Variants in LRRC7 observed in about 807,000 individuals in gnomAD.
LRRC7 encodes the protein leucine-rich repeat-containing protein 7.
Under a neutral mutation model 175.7 loss-of-function variants are expected in LRRC7, and 23 were observed. The observed-to-expected ratio is 0.13, with a 90% CI of 0.09 to 0.19. The LOEUF (loss-of-function observed/expected upper bound fraction) is 0.19. Among genes scored for constraint, LRRC7 ranks in the 10% least tolerant of loss-of-function variants. The pLI is 1.00. For missense variants in LRRC7, 1,354 were observed against 1,904.7 expected (o/e 0.71, Z 5.38); for synonymous variants, 685 against 680.9 (o/e 1.01, Z -0.09).
chr1:70,036,647 T>C (rs1455737668), intron 20 of LRRC7, 23 bp downstream of exon 20: 4 of 1,574,600 alleles, frequency 2.5e-6, no homozygotes, highest in Non-Finnish European at 3.4e-6. Flanking sequence ...TTCCCTCCTT[T>C]TGTTCCCAAA....
At chr1:69,585,503 A>C (rs900402944) in intron 1 of LRRC7, among the ~76,000 whole-genome samples, 1 of 152,210 alleles carries the variant, frequency 6.6e-6, no homozygotes, top group Admixed American at 6.5e-5. Context: ...TGCATAGATC[A>C]GGCTAGATGA....
At chr1:69,846,407 A>G (rs572006453) in intron 7 of LRRC7, among the ~76,000 whole-genome samples, 4 of 152,236 alleles carry the variant, frequency 2.6e-5, no homozygotes, top group Admixed American at 2.0e-4. Context: ...GACTACTTCA[A>G]ACAATAGCTA....
intron 7 of LRRC7, among the ~76,000 whole-genome samples, chr1:69,850,951 A>T (rs1682912834): frequency 6.6e-6 from 1 of 152,110 alleles, no homozygotes; most frequent in Non-Finnish European, 1.5e-5. Context: ...TAGAGAAGAG[A>T]TGAGGAGCCA....
At chr1:70,108,331 G>C (rs1237190922) in intron 26 of LRRC7, among the ~76,000 whole-genome samples, 3 of 152,080 alleles carry the variant, frequency 2.0e-5, no homozygotes, top group Non-Finnish European at 4.4e-5. Context: ...AAAATGCATT[G>C]TGTGATGGAA....
chr1:69,838,403 C>A, intron 7 of LRRC7, 120 bp downstream of exon 7: 1 of 740,726 alleles, frequency 1.4e-6, no homozygotes, highest in Non-Finnish European at 2.3e-6. Context: ...CACATTTTTC[C>A]TAAAGGCCAA....
intron 8 of LRRC7, among the ~76,000 whole-genome samples, chr1:69,934,499 G>GA (rs1557905887): frequency 2.0e-5 from 2 of 99,114 alleles, no homozygotes; most frequent in Non-Finnish European, 4.3e-5. Flanking sequence ...TTTGGCGGGG[G>GA]GGGGGCGGGG....
chr1:70,117,046 T>A (rs1665907686), intron 26 of LRRC7, among the ~76,000 whole-genome samples: 1 of 152,240 alleles, frequency 6.6e-6, no homozygotes, highest in Non-Finnish European at 1.5e-5. Context: ...AATGTACTAA[T>A]ATTTCTCTAA....
At chr1:70,005,216 G>T (rs1655896522) in intron 11 of LRRC7, among the ~76,000 whole-genome samples, 1 of 151,896 alleles carries the variant, frequency 6.6e-6, no homozygotes, top group Non-Finnish European at 1.5e-5. Context: ...CAGCTATTAA[G>T]TATCTACACT....
At position 70,003,689 on chromosome 1, in the gene LRRC7, C is replaced by T. The variant is rs535044903; in HGVS notation, c.1005-8108C>T. Among the ~76,000 whole-genome samples, 9 of 152,266 alleles carry T rather than the reference C, an allele frequency of 5.9e-5. No homozygotes were observed. The East Asian group carries it at 1.7e-3, about 29-fold the overall frequency. On this transcript the variant is annotated intron_variant, in intron 11 of 26. Transcript: ENST00000651989. ...CATCCTCCTTCACTGCCTACTTCCT[C>T]CTCCACTTCCTTCCCCAGCATTTCA...
rs1052760150 is a variant in LRRC7 at position 70,142,703 on chromosome 1, T to C, written c.*20816T>C. ...CTTATTGAAAGTAATAATACAGTTT[T>C]ATTTTTTCCACTTTATAACTGCCCA... is the stretch of plus-strand genomic sequence containing the variant. On this transcript the variant is annotated 3_prime_UTR_variant, in exon 27 of 27. Transcript: ENST00000651989. 6.6e-6 allele frequency: 1 copy of C among 152,146 alleles called. No homozygotes were observed. The highest frequency in any genetic ancestry group is 1.5e-5 in the Non-Finnish European group (1 of 68,000). The allele number at this position is 152,146 out of a possible 1,614,324, so 9.4% of individuals were successfully genotyped here.
At chr1:69,920,339 G>A (rs6687846) in intron 7 of LRRC7, 62,096 of 151,170 alleles carry the variant, frequency 0.41, 13,543 homozygotes, top group East Asian at 0.55. Flanking sequence ...AACCACCAAG[G>A]ATGCCAGATA....
At chr1:69,867,971 C>T (rs1685118608) in intron 7 of LRRC7, among the ~76,000 whole-genome samples, 1 of 151,614 alleles carries the variant, frequency 6.6e-6, no homozygotes, top group African/African-American at 2.4e-5. Context: ...TTAAGAGGTC[C>T]AAGAGATACA....
intron 7 of LRRC7, among the ~76,000 whole-genome samples, chr1:69,912,667 T>C (rs139615835): frequency 3.3e-5 from 5 of 152,318 alleles, no homozygotes; most frequent in Admixed American, 2.0e-4. Flanking sequence ...GAGTTAGGAC[T>C]GCACAATAAT....
rs551624176 is a variant in LRRC7 at position 69,964,398 on chromosome 1, A to G, written c.712-15981A>G. Among the ~76,000 whole-genome samples, 5 of 152,260 alleles carry G rather than the reference A, an allele frequency of 3.3e-5. No individual in the cohort carries two copies. In the South Asian group the frequency reaches 8.3e-4, roughly 25 times the overall value. On this transcript the variant is annotated intron_variant, in intron 8 of 26. Coordinates refer to ENST00000651989, the MANE Select transcript of LRRC7 (RefSeq NM_001370785.2). ...AGTAAGCGACAAAGCCTGGATCTGA[A>G]CTCAGTCCACCTCCTGAGATCATGC...
chr1:69,696,480 G>T (rs1171584756), intron 2 of LRRC7, among the ~76,000 whole-genome samples: 1 of 152,116 alleles, frequency 6.6e-6, no homozygotes, highest in Admixed American at 6.5e-5. Flanking sequence ...AATGATGCTG[G>T]AATTAGTTAA....
chr1:69,725,028 G>T (rs981887982), intron 2 of LRRC7, among the ~76,000 whole-genome samples: 1 of 151,866 alleles, frequency 6.6e-6, no homozygotes, highest in Non-Finnish European at 1.5e-5. Context: ...CTCCACAAAA[G>T]CTTAACTACT....
chr1:69,828,258 G>A (rs901042874), intron 5 of LRRC7, among the ~76,000 whole-genome samples: 2 of 152,052 alleles, frequency 1.3e-5, no homozygotes, highest in Admixed American at 6.6e-5. Flanking sequence ...GTTTGTGTGA[G>A]CATATATTTT....
intron 22 of LRRC7, among the ~76,000 whole-genome samples, chr1:70,044,610 A>G (rs1282642734): frequency 6.6e-6 from 1 of 152,148 alleles, no homozygotes; most frequent in Non-Finnish European, 1.5e-5. Flanking sequence ...GAACTGTAAC[A>G]GAAGAAAAAT....
chr1:70,001,307 A>T (rs1655499559), intron 11 of LRRC7, among the ~76,000 whole-genome samples: 1 of 152,194 alleles, frequency 6.6e-6, no homozygotes. Context: ...ACTGTCATGC[A>T]CCTACTCTCC....
Sources: gnomAD v4.1 joint callset for allele counts (sites outside exome capture counted in the v4.1 genomes callset) on GRCh38, gnomAD v4.1.1 for gene constraint, MANE v1.5 for transcripts, NCBI Gene and HGNC (gene_info 2026-07-23, HGNC 2026-07-21) for gene names.